Variants in NRG3 observed in about 807,000 individuals in gnomAD.
NRG3 encodes the protein pro-neuregulin-3, membrane-bound isoform.
A neutral mutation model predicts 66.9 loss-of-function variants in NRG3; 31 were observed. The ratio of observed to expected loss-of-function variants is 0.46; its 90% CI spans 0.35 to 0.63. NRG3 has a LOEUF of 0.63. Among genes scored for constraint, NRG3 ranks in the 20% least tolerant of loss-of-function variants. NRG3 has a pLI of 0.00. For missense variants in NRG3, 910 were observed against 878.9 expected (o/e 1.04, Z -0.45); for synonymous variants, 393 against 359.4 (o/e 1.09, Z -1.06).
chr10:82,496,025 T>C, intron 2 of NRG3, among the ~76,000 whole-genome samples: 1 of 152,222 alleles, frequency 6.6e-6, no homozygotes, highest in East Asian at 1.9e-4. Context: ...AAGAAGCTGA[T>C]AACTGCTTAG....
chr10:82,619,050 G>A (rs1383614106), intron 2 of NRG3, among the ~76,000 whole-genome samples: 1 of 152,018 alleles, frequency 6.6e-6, no homozygotes, highest in East Asian at 1.9e-4. Context: ...TGGAGGTTTG[G>A]CATTACCATT....
Position 82,419,102 on chromosome 10 carries a change from C to T in NRG3, c.953+60234C>T, listed in dbSNP as rs73306171. On this transcript the variant is annotated intron_variant, in intron 2 of 8. Coordinates refer to ENST00000372141, the MANE Select transcript of NRG3 (RefSeq NM_001010848.4). ...CGCTACTGATGTTTATAAGGAAATA[C>T]AAGCATTACATCTTAAACTAGACAA... Among the ~76,000 whole-genome samples the T allele has an allele frequency of 5.5e-3, 842 of 152,252 alleles. 9 individuals are homozygous for T. The highest frequency in any genetic ancestry group is 0.02 in the African/African-American group (818 of 41,558).
At chr10:82,046,293 A>G (rs2063291775) in intron 1 of NRG3, among the ~76,000 whole-genome samples, 1 of 60,366 alleles carries the variant, frequency 1.7e-5, no homozygotes, top group African/African-American at 4.0e-5. Flanking sequence ...TGTCCCTTGT[A>G]AATTGGATTC....
chr10:82,285,117 T>C (rs1339442470), intron 1 of NRG3, among the ~76,000 whole-genome samples: 2 of 152,182 alleles, frequency 1.3e-5, no homozygotes, highest in Non-Finnish European at 2.9e-5. Flanking sequence ...CACTAGGCCT[T>C]GAATAGCAAA....
intron 1 of NRG3, among the ~76,000 whole-genome samples, chr10:82,209,611 C>A (rs141294229): frequency 6.6e-6 from 1 of 152,134 alleles, no homozygotes; most frequent in Non-Finnish European, 1.5e-5. Flanking sequence ...GCTATTAGAG[C>A]CATATAATGA....
At chr10:81,994,934 G>T (rs992416341) in intron 1 of NRG3, among the ~76,000 whole-genome samples, 1 of 152,038 alleles carries the variant, frequency 6.6e-6, no homozygotes, top group Non-Finnish European at 1.5e-5. Context: ...GCTGAGGAAA[G>T]TTATTTTTCA....
chr10:82,538,363 T>C (rs2043302659), intron 2 of NRG3, among the ~76,000 whole-genome samples: 1 of 152,198 alleles, frequency 6.6e-6, no homozygotes, highest in South Asian at 2.1e-4. Context: ...TCTGATTGTA[T>C]TATATCTTGA....
intron 1 of NRG3, among the ~76,000 whole-genome samples, chr10:82,170,450 A>T (rs2072481651): frequency 6.6e-6 from 1 of 151,686 alleles, no homozygotes. Flanking sequence ...CTTGAACTTA[A>T]TATGCGTCTT....
In NRG3 at chr10:82,166,862, T is replaced by C. The variant is rs368395573; in HGVS notation, c.824-191877T>C. ...AACAGTCTTTATTTATCTTCATTAC[T>C]GAAAGGTATTTTTTTCTCAGTAGTT... On this transcript the variant is annotated intron_variant, in intron 1 of 8. Coordinates refer to ENST00000372141, the MANE Select transcript of NRG3 (RefSeq NM_001010848.4). 16 of 640,172 alleles carry C rather than the reference T, an allele frequency of 2.5e-5. 1 individual carries two copies. Among genetic ancestry groups the C allele is most frequent in the Middle Eastern group, 5.5e-4 (2 of 3,626 alleles). The allele number at this position is 640,172 out of a possible 1,614,324, so 39.7% of individuals were successfully genotyped here. A position where few individuals can be genotyped will look rare whatever the true frequency, so the allele number is the denominator to read the frequency against.
chr10:81,882,495 A>G (rs1340503136), intron 1 of NRG3, among the ~76,000 whole-genome samples: 1 of 152,174 alleles, frequency 6.6e-6, no homozygotes, highest in Non-Finnish European at 1.5e-5. Flanking sequence ...CGTGAATTCT[A>G]TAATAGCTGT....
intron 1 of NRG3, among the ~76,000 whole-genome samples, chr10:82,139,269 C>T (rs910108047): frequency 2.6e-5 from 4 of 152,054 alleles, no homozygotes; most frequent in Non-Finnish European, 4.4e-5. Context: ...TTCAGCAGTG[C>T]CTTTTTGTTT....
At chr10:82,464,885 C>T (rs544415252) in intron 2 of NRG3, among the ~76,000 whole-genome samples, 7 of 152,300 alleles carry the variant, frequency 4.6e-5, no homozygotes, top group African/African-American at 1.7e-4. Flanking sequence ...CCCCAGCTTC[C>T]AGCAGGCAAG....
At chr10:82,498,819 G>A (rs1471537286) in intron 2 of NRG3, among the ~76,000 whole-genome samples, 1 of 152,084 alleles carries the variant, frequency 6.6e-6, no homozygotes, top group Non-Finnish European at 1.5e-5. Flanking sequence ...TCTTGAGAAA[G>A]CATAAGCAAA....
chr10:82,297,576 T>G (rs1439842401), intron 1 of NRG3, among the ~76,000 whole-genome samples: 1 of 152,168 alleles, frequency 6.6e-6, no homozygotes, highest in Non-Finnish European at 1.5e-5. Flanking sequence ...CTGACTAAAT[T>G]CACCCATAAG....
chr10:82,391,537 A>G (rs7907641), intron 2 of NRG3, among the ~76,000 whole-genome samples: 62,374 of 151,876 alleles, frequency 0.41, 15,877 homozygotes, highest in African/African-American at 0.72. Flanking sequence ...GGAGTGATAT[A>G]TGTAATTTGG....
chr10:82,805,274 C>T (rs2061228566), intron 3 of NRG3, among the ~76,000 whole-genome samples: 1 of 152,152 alleles, frequency 6.6e-6, no homozygotes, highest in African/African-American at 2.4e-5. Flanking sequence ...CTTTCACCAG[C>T]AGATACCATC....
intron 2 of NRG3, among the ~76,000 whole-genome samples, chr10:82,646,951 CTT>C (rs11442150): frequency 2.9e-4 from 38 of 130,828 alleles, no homozygotes; most frequent in Admixed American, 2.3e-4. Flanking sequence ...TTTTGCATTT[CTT>C]TTTTTTTTTT....
intron 2 of NRG3, among the ~76,000 whole-genome samples, chr10:82,375,536 CA>C (rs57526579): frequency 1.8e-3 from 227 of 127,180 alleles, no homozygotes; most frequent in Middle Eastern, 4.3e-3. Context: ...GACTCCATCT[CA>C]AAAAAAAAAA....
intron 2 of NRG3, among the ~76,000 whole-genome samples, chr10:82,596,300 G>A (rs903367715): frequency 3.3e-5 from 5 of 152,284 alleles, no homozygotes; most frequent in Non-Finnish European, 4.4e-5. Flanking sequence ...TGGAAATGGA[G>A]GACCTGTAGG....
Sources: allele counts gnomAD v4.1 joint callset (sites outside exome capture counted in the v4.1 genomes callset), GRCh38; gene constraint gnomAD v4.1.1; transcripts MANE v1.5; gene names NCBI Gene and HGNC (gene_info 2026-07-23, HGNC 2026-07-21).